The following RAP1GAP2 variants were observed in gnomAD, a reference collection of about 807,000 sequenced individuals.
RAP1GAP2 encodes RAP1 GTPase activating protein 2, also known as rap1 GTPase-activating protein 2.
RAP1GAP2 carries 27 observed loss-of-function variants against 95.0 expected under a neutral mutation model. That is an observed-to-expected ratio of 0.28 (90% CI 0.21 to 0.39). RAP1GAP2 has a LOEUF of 0.39. Among genes scored for constraint, RAP1GAP2 ranks in the 10% least tolerant of loss-of-function variants. RAP1GAP2 has a pLI of 1.00. For missense variants in RAP1GAP2, 771 were observed against 970.0 expected, an observed-to-expected ratio of 0.79 and a Z score of 2.72; for synonymous variants, 373 against 380.9, an observed-to-expected ratio of 0.98 and a Z score of 0.24.
At position 3,034,185 on chromosome 17, in the gene RAP1GAP2, T is replaced by C. The variant is rs2047408427; in HGVS notation, c.*824T>C. 6.3e-6 allele frequency: 1 copy of C among 158,850 alleles called. No homozygotes were observed. Among genetic ancestry groups the C allele is most frequent in the South Asian group, 1.4e-4 (1 of 6,958 alleles). 9.8% of individuals were successfully genotyped at this position (158,850 alleles called of 1,614,324 possible). On this transcript the variant is annotated 3_prime_UTR_variant, in exon 25 of 25. Transcript: ENST00000254695. The surrounding 1 kb of genome is among the most constrained non-coding windows in gnomAD (Gnocchi z 5.1). Reference sequence around the variant, plus strand: ...GGAGGGAGGGGCAGCCCCGAGGCAGTCTCTTCCCTTTGAGAAGATATTTTC... The same window carrying C: ...GGAGGGAGGGGCAGCCCCGAGGCAGCCTCTTCCCTTTGAGAAGATATTTTC...
At chr17:2,850,832 A>G (rs1033340180) in intron 2 of RAP1GAP2, among the ~76,000 whole-genome samples, 1 of 151,692 alleles carries the variant, frequency 6.6e-6, no homozygotes, top group African/African-American at 2.4e-5. Context: ...AGGCCAAGGC[A>G]GGCGGATCAC....
chr17:2,823,078 A>G (rs2070381663), intron 2 of RAP1GAP2, among the ~76,000 whole-genome samples: 1 of 152,300 alleles, frequency 6.6e-6, no homozygotes, highest in Admixed American at 6.5e-5. Flanking sequence ...AATGCTGTAA[A>G]TGGGTGGCTG....
chr17:2,830,693 G>A (rs2070791589), intron 2 of RAP1GAP2, among the ~76,000 whole-genome samples: 3 of 152,034 alleles, frequency 2.0e-5, no homozygotes, highest in Admixed American at 1.3e-4. Context: ...CAGCCTGGGC[G>A]ACAGAATGAG....
At position 2,797,649 on chromosome 17, in the gene RAP1GAP2, C is replaced by T; in HGVS notation, c.44+1078C>T. On this transcript the variant is annotated intron_variant, in intron 1 of 24. Coordinates refer to ENST00000254695, the MANE Select transcript of RAP1GAP2 (RefSeq NM_015085.5). This position sits in a 1 kb window ranked among gnomAD's most constrained non-coding sequence, Gnocchi z 5.6. ...CTTCAAAAGCACTTTGCCATCCATC[C>T]TCTGGCAGGGGGGGACTGTGGGCAC... is the stretch of plus-strand genomic sequence containing the variant. 1 of 971,760 alleles carries T rather than the reference C, an allele frequency of 1.0e-6. No individual in the cohort carries two copies. Among genetic ancestry groups the T allele is most frequent in the Non-Finnish European group, 1.2e-6 (1 of 817,598 alleles). 60.2% of individuals were successfully genotyped at this position (971,760 alleles called of 1,614,324 possible). A position where few individuals can be genotyped will look rare whatever the true frequency, so the allele number is the denominator to read the frequency against.
At chr17:3,011,813 C>CATCTTGGTCAGGCTG (rs1349486588) in intron 17 of RAP1GAP2, among the ~76,000 whole-genome samples, 3 of 151,744 alleles carry the variant, frequency 2.0e-5, no homozygotes, top group Non-Finnish European at 2.9e-5. Flanking sequence ...GTAGGGACAC[C>CATCTTGGTCAGGCTG]ATCTTGGTCA....
At chr17:2,761,296 T>TC (rs1449670890) in intron 1 of RAP1GAP2, among the ~76,000 whole-genome samples, 25 of 136,172 alleles carry the variant, frequency 1.8e-4, no homozygotes, top group African/African-American at 5.5e-4. Context: ...TTTCTTTTTT[T>TC]TTTTTTTTTG....
intron 2 of RAP1GAP2, among the ~76,000 whole-genome samples, chr17:2,846,548 T>C (rs998472273): frequency 6.6e-6 from 1 of 152,068 alleles, no homozygotes; most frequent in Admixed American, 6.6e-5. Flanking sequence ...GTAGCTGGGA[T>C]TACAGGCATG....
chr17:3,006,183 G>A, intron 16 of RAP1GAP2, 142 bp downstream of exon 16: 1 of 711,572 alleles, frequency 1.4e-6, no homozygotes, highest in Non-Finnish European at 2.3e-6. Context: ...CTGGAGTGCA[G>A]TGGCATGATC....
chr17:3,025,695 C>T (rs528026676), intron 19 of RAP1GAP2, among the ~76,000 whole-genome samples: 6 of 152,312 alleles, frequency 3.9e-5, no homozygotes, highest in Middle Eastern at 3.4e-3. Context: ...CCCACAACTC[C>T]GCCAGGTGTG....
upstream of RAP1GAP2, among the ~76,000 whole-genome samples, chr17:2,795,119 C>G (rs1230276091): frequency 6.6e-6 from 1 of 151,918 alleles, no homozygotes; most frequent in African/African-American, 2.4e-5. Flanking sequence ...CTCAGGTGAT[C>G]CACCCGCGTT....
intron 3 of RAP1GAP2, among the ~76,000 whole-genome samples, chr17:2,927,347 G>GT (rs1307986890): frequency 6.6e-6 from 1 of 151,772 alleles, no homozygotes; most frequent in Admixed American, 6.6e-5. Flanking sequence ...TAGAGACGGG[G>GT]TTTCACCGTG....
chr17:2,828,251 G>T (rs1249871856), intron 2 of RAP1GAP2, among the ~76,000 whole-genome samples: 1 of 152,140 alleles, frequency 6.6e-6, no homozygotes, highest in Non-Finnish European at 1.5e-5. Flanking sequence ...TGAGTCAGGA[G>T]AATCGCTTGA....
chr17:2,832,784 T>G (rs1350645963), intron 2 of RAP1GAP2, among the ~76,000 whole-genome samples: 1 of 151,826 alleles, frequency 6.6e-6, no homozygotes, highest in East Asian at 2.0e-4. Context: ...GAGTCCAGCC[T>G]GGCCAACATG....
At position 2,804,896 on chromosome 17, in the gene RAP1GAP2, G is replaced by A. The variant is rs1307774076; in HGVS notation, c.80+4346G>A. Among the ~76,000 whole-genome samples the A allele has an allele frequency of 4.6e-5, 7 of 152,176 alleles. No homozygotes were observed. In the South Asian group the frequency reaches 1.2e-3, roughly 27 times the overall value. On this transcript the variant is annotated intron_variant, in intron 2 of 24. Coordinates refer to ENST00000254695, the MANE Select transcript of RAP1GAP2 (RefSeq NM_015085.5). ...CCCGTCTGTAAAGGGTTGGATTAGC[G>A]TCCAGCCTTCTCTCTTCCAGCCTTG...
chr17:2,987,456 C>T (rs1356178881), intron 11 of RAP1GAP2, among the ~76,000 whole-genome samples: 4 of 151,006 alleles, frequency 2.6e-5, no homozygotes, highest in Admixed American at 1.3e-4. Context: ...CTCCGCCTCC[C>T]GGGTTCAAGC....
intron 2 of RAP1GAP2, among the ~76,000 whole-genome samples, chr17:2,810,114 A>G (rs1397907127): frequency 6.9e-6 from 1 of 144,844 alleles, no homozygotes; most frequent in Admixed American, 7.3e-5. Flanking sequence ...TGTGTGGAGC[A>G]GGAGTTGCTA....
chr17:2,904,787 G>A lies in RAP1GAP2; in HGVS notation c.81-497G>A, dbSNP rs184801604. Reference sequence around the variant, plus strand: ...CATGTCTTTCGAGTTCCCAGGTGCCGCTGGTGGTCCAGGGACCATACTTAG... The same window carrying A: ...CATGTCTTTCGAGTTCCCAGGTGCCACTGGTGGTCCAGGGACCATACTTAG... On this transcript the variant is annotated intron_variant, in intron 2 of 24. Transcript: ENST00000254695. The surrounding 1 kb of genome is among the most constrained non-coding windows in gnomAD (Gnocchi z 4.7). Among the ~76,000 whole-genome samples the A allele has an allele frequency of 3.3e-5, 5 of 152,226 alleles. No homozygotes were observed. The highest frequency in any genetic ancestry group is 5.9e-5 in the Non-Finnish European group (4 of 68,014).
rs202085687 is a variant in RAP1GAP2 at position 2,913,876 on chromosome 17, A to ATT, written c.165+8519_165+8520dup. Among the ~76,000 whole-genome samples, 11 of 146,946 alleles carry ATT rather than the reference A, an allele frequency of 7.5e-5. No individual in the cohort carries two copies. In the East Asian group the frequency reaches 8.0e-4, roughly 11 times the overall value. On this transcript the variant is annotated intron_variant, in intron 3 of 24. Transcript: ENST00000254695. ...TGAGTTTTGTCTGTTCTAGAACTTAATTTTTTTTTTTTGAGGTGGAGTCTC... is the reference window on the plus strand; with the variant it reads ...TGAGTTTTGTCTGTTCTAGAACTTAATTTTTTTTTTTTTTGAGGTGGAGTCTC...
chr17:2,810,987 T>C (rs1247071016), intron 2 of RAP1GAP2, among the ~76,000 whole-genome samples: 2 of 152,146 alleles, frequency 1.3e-5, no homozygotes, highest in Non-Finnish European at 2.9e-5. Context: ...GCTGTTTTCA[T>C]CTGGAATCTC....
Sources: gnomAD v4.1 joint callset for allele counts (sites outside exome capture counted in the v4.1 genomes callset) on GRCh38, gnomAD v4.1.1 for gene constraint, Gnocchi (gnomAD v3.1) non-coding constraint, MANE v1.5 for transcripts, NCBI Gene and HGNC (gene_info 2026-07-23, HGNC 2026-07-21) for gene names.